SHPRH: variants seen among roughly 807,000 people sequenced by gnomAD.
SHPRH encodes the protein SNF2 histone linker PHD RING helicase.
A neutral mutation model predicts 202.5 loss-of-function variants in SHPRH; 106 were observed. The observed-to-expected ratio is 0.52, with a 90% CI of 0.45 to 0.62. The LOEUF (loss-of-function observed/expected upper bound fraction) is 0.62. Among genes scored for constraint, SHPRH ranks in the 20% least tolerant of loss-of-function variants. The probability of loss-of-function intolerance (pLI) is 0.00; values close to 1 mark genes in which losing one functional copy is unlikely to be tolerated. For synonymous variants in SHPRH, 729 were observed against 686.0 expected, an observed-to-expected ratio of 1.06 and a Z score of -0.98; for missense variants, 1,710 against 2,020.0, an observed-to-expected ratio of 0.85 and a Z score of 2.94.
At position 145,894,217 on chromosome 6, in the gene SHPRH, A is replaced by G. The variant is rs1326785662; in HGVS notation, c.4628T>C (p.Ile1543Thr). Reference protein sequence around the residue: ...VFSTWQDVLDIISKALTDNNM... With the variant: ...VFSTWQDVLDTISKALTDNNM... ...GTTGTCAGTAAGAGCTTTTGAAATA[A>G]TATCTAATACATCTTGCCACTAGAA... The change falls in exon 27 of 30, where the codon ATT becomes ACT. Residue 1543 changes from isoleucine (I) to threonine (T), a missense_variant. Around this residue, in one of 8 missense-constraint regions of SHPRH, gnomAD observed 306 missense variants for 479.5 expected, o/e 0.64. Transcript: ENST00000275233. 1 of 1,603,388 alleles carries G rather than the reference A, an allele frequency of 6.2e-7. No homozygotes were observed. Among genetic ancestry groups the G allele is most frequent in the East Asian group, 2.3e-5 (1 of 44,006 alleles).
intron 4 of SHPRH, 62 bp from the exon 5 acceptor site, chr6:145,948,412 T>C: frequency 7.7e-7 from 1 of 1,299,522 alleles, no homozygotes; most frequent in Non-Finnish European, 1.1e-6. Context: ...ATAATCACAT[T>C]AAAAAAAGAA....
intron 29 of SHPRH, 117 bp from the exon 30 acceptor site, chr6:145,886,904 A>C: frequency 9.7e-7 from 1 of 1,026,808 alleles, no homozygotes; most frequent in Non-Finnish European, 1.4e-6. Context: ...ATTGGGATAT[A>C]AGAAACTCCC....
chr6:145,923,734 A>G lies in SHPRH; in HGVS notation c.3454T>C (p.Phe1152Leu), dbSNP rs1026853503. 1.2e-6 allele frequency: 2 copies of G among 1,611,750 alleles called. No homozygotes were observed. Among genetic ancestry groups the G allele is most frequent in the Non-Finnish European group, 1.7e-6 (2 of 1,178,660 alleles). The change falls in exon 18 of 30, where the codon TTT becomes CTT. Residue 1152 changes from phenylalanine to leucine, a missense_variant. Around this residue, in one of 8 missense-constraint regions of SHPRH, gnomAD observed 288 missense variants for 317.8 expected, o/e 0.91. Coordinates refer to ENST00000275233, the MANE Select transcript of SHPRH (RefSeq NM_001042683.3). ...WLNVIHRAIEFTIDEELVQRV... is the reference protein window; with the variant it reads ...WLNVIHRAIELTIDEELVQRV... ...TGAACTAGCTCCTCATCAATAGTAA[A>G]TTCTATTGCTCTGTGGATCACATTT... is the stretch of plus-strand genomic sequence containing the variant.
intron 25 of SHPRH, chr6:145,908,297 G>A (rs1473847892): frequency 6.6e-6 from 1 of 152,028 alleles, no homozygotes; most frequent in Non-Finnish European, 1.5e-5. Context: ...GGATTGCTGG[G>A]TCCTATGGGA....
chr6:145,955,499 T>C, intron 1 of SHPRH, 145 bp from the exon 2 acceptor site: 1 of 681,036 alleles, frequency 1.5e-6, no homozygotes, highest in East Asian at 2.7e-5. Flanking sequence ...AGTAATTTTT[T>C]TACCAGGTCA....
chr6:145,923,778 G>A lies in SHPRH; in HGVS notation c.3410C>T (p.Ser1137Phe). The A allele has an allele frequency of 6.2e-7, 1 of 1,607,368 alleles. No homozygotes were observed. Among genetic ancestry groups the A allele is most frequent in the Non-Finnish European group, 8.5e-7 (1 of 1,176,570 alleles). ...CACATTTAGCCACCAAGGAGAATTA[G>A]AATGAATCTGTAAAAAAGGTAGCAG... ...TIHELQRKIH[S>F]NSPWWLNVIH... The change falls in exon 18 of 30, where the codon TCT becomes TTT. Residue 1137 changes from serine to phenylalanine, a missense_variant. Around this residue, in one of 8 missense-constraint regions of SHPRH, gnomAD observed 288 missense variants for 317.8 expected, o/e 0.91. Coordinates refer to ENST00000275233, the MANE Select transcript of SHPRH (RefSeq NM_001042683.3).
chr6:145,902,408 G>A lies in SHPRH; in HGVS notation c.4516-7431C>T, dbSNP rs570923238. Among the ~76,000 whole-genome samples the A allele has an allele frequency of 4.6e-5, 7 of 152,168 alleles. No individual in the cohort carries two copies. The South Asian group carries it at 1.4e-3, about 32-fold the overall frequency. ...TTGCAGCCTCCTGTTGTAAAATGTG[G>A]AGAACCTAAACTTTGAATTACAAGT... On this transcript the variant is annotated intron_variant, in intron 25 of 29. Transcript: ENST00000275233.
chr6:145,948,309 C>G lies in SHPRH; in HGVS notation c.1024G>C (p.Glu342Gln), dbSNP rs1230651332. The change falls in exon 5 of 30, where the codon GAG becomes CAG. Residue 342 changes from glutamate to glutamine, a missense_variant. Coordinates refer to ENST00000275233, the MANE Select transcript of SHPRH (RefSeq NM_001042683.3). Reference sequence around the variant, plus strand: ...GGATTATAGTAGAGTTTCAGACCCTCAGATGTAACAATCTCTCGCCATAAG... The same window carrying G: ...GGATTATAGTAGAGTTTCAGACCCTGAGATGTAACAATCTCTCGCCATAAG... ...HFLWREIVTS[E>Q]GLKLYYNPYT... 6.2e-7 allele frequency: 1 copy of G among 1,605,192 alleles called. No homozygotes were observed. Among genetic ancestry groups the G allele is most frequent in the African/African-American group, 1.3e-5 (1 of 74,558 alleles).
At position 145,910,587 on chromosome 6, in the gene SHPRH, A is replaced by G. The variant is rs758134301; in HGVS notation, c.4376T>C (p.Ile1459Thr). 1 of 1,613,126 alleles carries G rather than the reference A, an allele frequency of 6.2e-7. No individual in the cohort carries two copies. The highest frequency in any genetic ancestry group is 1.1e-5 in the South Asian group (1 of 91,024). ...GHCFCNECISIIIEQYSVGSH... is the reference protein window; with the variant it reads ...GHCFCNECISTIIEQYSVGSH... ...TCCCACGCTGTATTGTTCAATAATT[A>G]TAGAAATGCATTCATTACAGAAACA... The change falls in exon 25 of 30, where the codon ATA becomes ACA. Residue 1459 changes from isoleucine to threonine, a missense_variant. Coordinates refer to ENST00000275233, the MANE Select transcript of SHPRH (RefSeq NM_001042683.3).
chr6:145,888,926 C>T (rs1050960907), intron 28 of SHPRH, among the ~76,000 whole-genome samples: 34 of 152,100 alleles, frequency 2.2e-4, no homozygotes, highest in African/African-American at 7.2e-4. Context: ...TAGAAGAGTC[C>T]GAGATTTCTG....
chr6:145,932,966 C>CG (rs1410105184), intron 14 of SHPRH, 91 bp downstream of exon 14: 5 of 1,380,348 alleles, frequency 3.6e-6, no homozygotes, highest in Non-Finnish European at 2.9e-6. Flanking sequence ...GGGAAAAATC[C>CG]CCCCCCCAAA....
intron 1 of SHPRH, among the ~76,000 whole-genome samples, chr6:145,957,213 GATA>G (rs1788592707): frequency 6.6e-6 from 1 of 151,908 alleles, no homozygotes; most frequent in South Asian, 2.1e-4. Context: ...ACTAAAAATA[GATA>G]ATAAACTATA....
At chr6:145,895,212 A>G (rs1781909298) in intron 25 of SHPRH, among the ~76,000 whole-genome samples, 1 of 152,130 alleles carries the variant, frequency 6.6e-6, no homozygotes, top group Non-Finnish European at 1.5e-5. Context: ...AGCATGCCAG[A>G]AAGTCATTAA....
Position 145,921,853 on chromosome 6 carries a change from T to G in SHPRH, c.3782+433A>C, listed in dbSNP as rs191296351. Among the ~76,000 whole-genome samples the G allele has an allele frequency of 3.2e-3, 483 of 152,182 alleles. 2 individuals are homozygous for G. Among genetic ancestry groups the G allele is most frequent in the Middle Eastern group, 6.8e-3 (2 of 294 alleles). On this transcript the variant is annotated intron_variant, in intron 20 of 29. Coordinates refer to ENST00000275233, the MANE Select transcript of SHPRH (RefSeq NM_001042683.3). The stretch of plus-strand genomic sequence containing the variant: ...TTTATTGTTCTAACAAGCTTCCCTC[T>G]GAGAATCCAGGTGTTTGTGACAATG...
intron 1 of SHPRH, among the ~76,000 whole-genome samples, chr6:145,959,778 G>A (rs955948902): frequency 2.6e-5 from 4 of 152,250 alleles, no homozygotes; most frequent in Non-Finnish European, 4.4e-5. Flanking sequence ...CCCTTAGCCC[G>A]TGCTTCACTT....
At chr6:145,879,274 A>G (rs1780443035) in intron 2 of SHPRH, among the ~76,000 whole-genome samples, 1 of 151,628 alleles carries the variant, frequency 6.6e-6, no homozygotes, top group African/African-American at 2.4e-5. Context: ...TTTAAAAAAG[A>G]AATAGTTGCT....
In SHPRH at chr6:145,955,220, T is replaced by A. The variant is rs1313447951; in HGVS notation, c.103A>T (p.Ile35Phe). 6.8e-6 allele frequency: 11 copies of A among 1,613,590 alleles called. No homozygotes were observed. Among genetic ancestry groups the A allele is most frequent in the Non-Finnish European group, 9.3e-6 (11 of 1,179,950 alleles). Residue 35 changes from isoleucine (I) to phenylalanine (F), a missense_variant, in exon 2 of 30, where the codon ATC becomes TTC. By Grantham distance (21) the Ile-to-Phe change is conservative. Transcript: ENST00000275233. Reference protein sequence around the residue: ...MHEDRRNEPIIISDDDEQPCP... With the variant: ...MHEDRRNEPIFISDDDEQPCP... ...GGCTGCTCGTCATCATCACTTATGA[T>A]GATAGGTTCATTCCTTCTGTCCTCA...
At chr6:145,935,471 A>T (rs755055890) in intron 11 of SHPRH, 30 bp from the exon 12 acceptor site, 1 of 1,608,278 alleles carries the variant, frequency 6.2e-7, no homozygotes, top group East Asian at 2.2e-5. Context: ...TACATTGAGG[A>T]TAACTCTATT....
intron 2 of SHPRH, chr6:145,876,606 T>A (rs1233341306): frequency 2.6e-5 from 4 of 152,228 alleles, no homozygotes; most frequent in Admixed American, 2.6e-4. Context: ...CACATTTGCC[T>A]ACTATAAATA....
Sources: gnomAD v4.1 joint callset for allele counts (sites outside exome capture counted in the v4.1 genomes callset) on GRCh38, gnomAD v4.1.1 for gene constraint, gnomAD v4.1.1 regional missense constraint, MANE v1.5 for transcripts, NCBI Gene and HGNC (gene_info 2026-07-23, HGNC 2026-07-21) for gene names.